Variants in RNF175 observed in about 807,000 individuals in gnomAD.
RNF175 encodes ring finger protein 175.
In RNF175, 38 loss-of-function variants were observed where a neutral mutation model predicts 50.0. The observed-to-expected ratio is 0.76, with a 90% CI of 0.59 to 1.00. The LOEUF is 1.00. Ranked by LOEUF, RNF175 falls within the 50% of genes least tolerant of loss-of-function variation. The pLI is 0.00. For synonymous variants in RNF175, 155 were observed against 146.1 expected (o/e 1.06, Z -0.44); for missense variants, 388 against 409.6 (o/e 0.95, Z 0.46).
In RNF175 at chr4:153,759,854, C is replaced by T. The variant is rs1372661457; in HGVS notation, c.9G>A (p.Ala3=). Residue 3 remains alanine, a synonymous_variant, in exon 1 of 9, where the codon GCG becomes GCA. Coordinates refer to ENST00000347063, the MANE Select transcript of RNF175 (RefSeq NM_173662.4). MA[A]GTAARKAAPV... is the part of the protein sequence containing the mutation. ...GCGCTGCCTTCCGCGCCGCCGTCCC[C>T]GCGGCCATGCCTGAGCCACTGTGCC... 2 of 1,456,110 alleles carry T rather than the reference C, an allele frequency of 1.4e-6. No homozygotes were observed. Among genetic ancestry groups the T allele is most frequent in the East Asian group, 2.9e-5 (1 of 34,260 alleles). 90.2% of individuals were successfully genotyped at this position (1,456,110 alleles called of 1,614,324 possible). A position where few individuals can be genotyped will look rare whatever the true frequency, so the allele number is the denominator to read the frequency against.
At chr4:153,734,572 G>A (rs750076264) in intron 3 of RNF175, among the ~76,000 whole-genome samples, 1 of 150,226 alleles carries the variant, frequency 6.7e-6, no homozygotes, top group Non-Finnish European at 1.5e-5. Flanking sequence ...TTGTTTTCTC[G>A]TGGTTGAGTT....
At chr4:153,755,071 C>T (rs114214742) in intron 1 of RNF175, among the ~76,000 whole-genome samples, 313 of 152,358 alleles carry the variant, frequency 2.1e-3, no homozygotes, top group African/African-American at 7.0e-3. Flanking sequence ...TGTGGCTACA[C>T]GGGCCACAAG....
intron 3 of RNF175, among the ~76,000 whole-genome samples, chr4:153,743,081 C>T (rs908998700): frequency 2.0e-5 from 3 of 152,148 alleles, no homozygotes; most frequent in African/African-American, 7.2e-5. Context: ...CAAATTCCAT[C>T]CCAAAGACTT....
chr4:153,719,818 G>A lies in RNF175; in HGVS notation c.630+366C>T, dbSNP rs1180818664. Among the ~76,000 whole-genome samples, 4 of 152,154 alleles carry A rather than the reference G, an allele frequency of 2.6e-5. No homozygotes were observed. In the East Asian group the frequency reaches 7.7e-4, roughly 29 times the overall value. ...ATAGTTTTTATTTGCATTAGGCAGG[G>A]TTTCAGACAGAGCTGAAAGGTTTTA... On this transcript the variant is annotated intron_variant, in intron 6 of 8. Coordinates refer to ENST00000347063, the MANE Select transcript of RNF175 (RefSeq NM_173662.4).
At position 153,760,006 on chromosome 4, in the gene RNF175, G is replaced by T; in HGVS notation, c.-144C>A. 2.2e-6 allele frequency: 1 copy of T among 447,516 alleles called. No homozygotes were observed. The highest frequency in any genetic ancestry group is 3.8e-6 in the Non-Finnish European group (1 of 265,442). 27.7% of individuals were successfully genotyped at this position (447,516 alleles called of 1,614,324 possible). A position where few individuals can be genotyped will look rare whatever the true frequency, so the allele number is the denominator to read the frequency against. On this transcript the variant is annotated 5_prime_UTR_variant, in exon 1 of 9. Coordinates refer to ENST00000347063, the MANE Select transcript of RNF175 (RefSeq NM_173662.4). Reference sequence around the variant, plus strand: ...GCGGCGGAGCGGCGGCCCTGCCCGGGTTGTGCGGGGCGGGAGATGGGAGCC... The same window carrying T: ...GCGGCGGAGCGGCGGCCCTGCCCGGTTTGTGCGGGGCGGGAGATGGGAGCC...
intron 3 of RNF175, among the ~76,000 whole-genome samples, chr4:153,744,007 G>A (rs528837941): frequency 4.9e-4 from 74 of 152,302 alleles, no homozygotes; most frequent in African/African-American, 1.7e-3. Context: ...GGTAGAGCCA[G>A]TGTGTAAGTG....
rs111263057 is a variant in RNF175 at position 153,712,853 on chromosome 4, CTT to C, written c.765-279_765-278del. 5.4e-3 allele frequency among the ~76,000 whole-genome samples: 764 copies of C among 141,976 alleles called. 5 individuals carry two copies. Among genetic ancestry groups the C allele is most frequent in the African/African-American group, 0.017 (672 of 38,852 alleles). The allele number at this position is 141,976 out of a possible 152,430, so 93.1% of individuals were successfully genotyped here. A position where few individuals can be genotyped will look rare whatever the true frequency, so the allele number is the denominator to read the frequency against. The stretch of plus-strand genomic sequence containing the variant: ...TTAGATTAGATAAAGAATATGAGTC[CTT>C]TTTTTTTTTTTTCCTTTACAGTGAT... On this transcript the variant is annotated intron_variant, in intron 7 of 8. Transcript: ENST00000347063.
intron 7 of RNF175, 99 bp from the exon 8 acceptor site, chr4:153,712,675 C>G (rs757757687): frequency 2.3e-5 from 18 of 789,014 alleles, no homozygotes; most frequent in African/African-American, 3.4e-5. Context: ...GTGGTGGAGT[C>G]ATGACTTGAT....
intron 3 of RNF175, among the ~76,000 whole-genome samples, chr4:153,733,849 A>C (rs1739182625): frequency 6.6e-6 from 1 of 152,228 alleles, no homozygotes; most frequent in Non-Finnish European, 1.5e-5. Flanking sequence ...TTACTACTCC[A>C]GAATTCCTGA....
chr4:153,732,272 A>G lies in RNF175; in HGVS notation c.247-3911T>C, dbSNP rs567727316. On this transcript the variant is annotated intron_variant, in intron 3 of 8. Coordinates refer to ENST00000347063, the MANE Select transcript of RNF175 (RefSeq NM_173662.4). ...AAACAAAAAACAAAAAACAAAGAAGAAGAAGAAAATATGGAAATGGAATAT... is the reference window on the plus strand; with the variant it reads ...AAACAAAAAACAAAAAACAAAGAAGGAGAAGAAAATATGGAAATGGAATAT... 2.0e-5 allele frequency among the ~76,000 whole-genome samples: 3 copies of G among 152,208 alleles called. No homozygotes were observed. The East Asian group carries it at 5.8e-4, about 29-fold the overall frequency.
At chr4:153,758,496 A>G (rs954539700) in intron 1 of RNF175, among the ~76,000 whole-genome samples, 7 of 152,170 alleles carry the variant, frequency 4.6e-5, no homozygotes, top group African/African-American at 1.4e-4. Context: ...CTTAAGGAAG[A>G]GCAAAGATCA....
At chr4:153,710,813 A>G (rs947031248) in intron 8 of RNF175, among the ~76,000 whole-genome samples, 2 of 152,324 alleles carry the variant, frequency 1.3e-5, no homozygotes, top group South Asian at 4.1e-4. Flanking sequence ...GATAGTGGAA[A>G]CTGCTCTAAA....
chr4:153,732,584 G>C (rs1046052391), intron 3 of RNF175, among the ~76,000 whole-genome samples: 1 of 152,182 alleles, frequency 6.6e-6, no homozygotes, highest in African/African-American at 2.4e-5. Flanking sequence ...TATTTGCACT[G>C]TATTGAGGCA....
At chr4:153,710,704 T>A (rs1737511779) in intron 8 of RNF175, among the ~76,000 whole-genome samples, 1 of 152,232 alleles carries the variant, frequency 6.6e-6, no homozygotes, top group South Asian at 2.1e-4. Context: ...AAATTGAAGT[T>A]CTTTACAATA....
chr4:153,734,192 G>C (rs770005688), intron 3 of RNF175, among the ~76,000 whole-genome samples: 3 of 152,142 alleles, frequency 2.0e-5, no homozygotes, highest in Non-Finnish European at 4.4e-5. Flanking sequence ...TGTGAATGTA[G>C]GTTTTCAATT....
At chr4:153,712,376 T>G in intron 8 of RNF175, 99 bp downstream of exon 8, 1 of 787,904 alleles carries the variant, frequency 1.3e-6, no homozygotes. Context: ...AAAAATTTTC[T>G]GCTGGAACTA....
intron 6 of RNF175, among the ~76,000 whole-genome samples, chr4:153,717,953 G>A (rs1036614): frequency 0.16 from 24,638 of 152,000 alleles, 2,576 homozygotes; most frequent in Non-Finnish European, 0.23. Context: ...TATATCCACC[G>A]TTATCGTATC....
intron 7 of RNF175, chr4:153,714,577 T>G (rs1477541700): frequency 6.6e-6 from 1 of 152,218 alleles, no homozygotes; most frequent in Non-Finnish European, 1.5e-5. Flanking sequence ...GCGATGACAT[T>G]ATTAAATTGA....
chr4:153,755,693 GAGA>G (rs1740531246), intron 1 of RNF175, among the ~76,000 whole-genome samples: 1 of 146,436 alleles, frequency 6.8e-6, no homozygotes, highest in Non-Finnish European at 1.5e-5. Flanking sequence ...TCTAGAACCA[GAGA>G]AGAAGATAAC....
Sources: allele counts gnomAD v4.1 joint callset (sites outside exome capture counted in the v4.1 genomes callset), GRCh38; gene constraint gnomAD v4.1.1; transcripts MANE v1.5; gene names NCBI Gene and HGNC (gene_info 2026-07-23, HGNC 2026-07-21).